Variants in SLC10A4 observed in about 807,000 individuals in gnomAD.
The protein encoded by SLC10A4 is putative sodium/bile acid cotransporter 4.
Under a neutral mutation model 22.5 loss-of-function variants are expected in SLC10A4, and 17 were observed. The observed-to-expected ratio is 0.76, with a 90% CI of 0.52 to 1.14. The LOEUF is 1.14. Ranked by LOEUF, SLC10A4 falls within the 50% of genes most tolerant of loss-of-function variation. The pLI is 0.00. For missense variants in SLC10A4, 548 were observed against 584.0 expected (o/e 0.94, Z 0.64); for synonymous variants, 257 against 258.2 (o/e 1.00, Z 0.04).
rs1397870163 is a variant in SLC10A4, at chr4:48,489,431, T to G, written c.*492T>G. 2.0e-5 allele frequency among the ~76,000 whole-genome samples: 3 copies of G among 152,252 alleles called. No homozygotes were observed. The highest frequency in any genetic ancestry group is 7.2e-5 in the African/African-American group (3 of 41,474). On this transcript the variant is annotated 3_prime_UTR_variant, in exon 3 of 3. Transcript: ENST00000273861. ...TCAGTTAAATAAGGAAATATAGTATTTGTCAAACCAGTATCAGAGAAAAGT... is the reference window on the plus strand; with the variant it reads ...TCAGTTAAATAAGGAAATATAGTATGTGTCAAACCAGTATCAGAGAAAAGT...
rs1469374049 is a variant in SLC10A4 at position 48,489,196 on chromosome 4, A to T, written c.*257A>T. 5.6e-6 allele frequency: 2 copies of T among 354,746 alleles called. No homozygotes were observed. Among genetic ancestry groups the T allele is most frequent in the Non-Finnish European group, 1.0e-5 (2 of 198,352 alleles). 22.0% of individuals were successfully genotyped at this position (354,746 alleles called of 1,614,324 possible). A position where few individuals can be genotyped will look rare whatever the true frequency, so the allele number is the denominator to read the frequency against. ...TGGTTTTTAGTTTTTACCATCACCA[A>T]TTTCTATGACTGTTGCAAATACAGA... is the stretch of plus-strand genomic sequence containing the variant. On this transcript the variant is annotated 3_prime_UTR_variant, in exon 3 of 3. Coordinates refer to ENST00000273861, the MANE Select transcript of SLC10A4 (RefSeq NM_152679.4).
Position 48,488,526 on chromosome 4 carries a change from T to C in SLC10A4, c.901T>C (p.Tyr301His), listed in dbSNP as rs774527368. The stretch of plus-strand genomic sequence containing the variant: ...GCTGGCAAGTATCCCTGCAGCTGTT[T>C]ATGTGATAGCAATTTTTATGCCTTT... ...ELLASIPAAV[Y>H]VIAIFMPLAG... The change falls in exon 3 of 3, where the codon TAT becomes CAT. Residue 301 changes from tyrosine to histidine, a missense_variant. By Grantham distance (83) the Tyr-to-His change is moderately conservative. Around this residue, in one of 3 missense-constraint regions of SLC10A4, gnomAD observed 314 missense variants for 353.2 expected, o/e 0.89. Transcript: ENST00000273861. 6.2e-6 allele frequency: 10 copies of C among 1,613,814 alleles called. No individual in the cohort carries two copies. The Admixed American group carries it at 8.3e-5, about 13-fold the overall frequency.
chr4:48,486,113 T>A (rs933699371), intron 2 of SLC10A4, among the ~76,000 whole-genome samples: 3 of 152,198 alleles, frequency 2.0e-5, no homozygotes, highest in Admixed American at 2.0e-4. Context: ...GCCACCCTAA[T>A]GTTTCAATTA....
At position 48,488,607 on chromosome 4, in the gene SLC10A4, T is replaced by C. The variant is rs1479933837; in HGVS notation, c.982T>C (p.Cys328Arg). ...LATLFHLPPN[C>R]KRTVCLETGS... ...TACTCTCTTCCATCTTCCACCCAAC[T>C]GCAAGAGGACTGTATGTCTGGAAAC... The change falls in exon 3 of 3, where the codon TGC becomes CGC. Residue 328 changes from cysteine (C) to arginine (R), a missense_variant. Physicochemically the swap from Cys to Arg is radical, Grantham distance 180. Coordinates refer to ENST00000273861, the MANE Select transcript of SLC10A4 (RefSeq NM_152679.4). 6.2e-7 allele frequency: 1 copy of C among 1,614,092 alleles called. No homozygotes were observed. Among genetic ancestry groups the C allele is most frequent in the Non-Finnish European group, 8.5e-7 (1 of 1,180,012 alleles).
chr4:48,484,253 A>G, intron 1 of SLC10A4, 102 bp downstream of exon 1: 1 of 1,198,312 alleles, frequency 8.3e-7, no homozygotes. Context: ...GGTTGGAATT[A>G]GGCGTGGAGG....
Position 48,488,855 on chromosome 4 carries a change from A to T in SLC10A4, c.1230A>T (p.Lys410Asn), listed in dbSNP as rs200226010. 1.2e-6 allele frequency: 2 copies of T among 1,613,800 alleles called. No homozygotes were observed. The highest frequency in any genetic ancestry group is 1.7e-6 in the Non-Finnish European group (2 of 1,179,946). Residue 410 changes from lysine to asparagine, a missense_variant, in exon 3 of 3, where the codon AAA (lysine) becomes AAT (asparagine). This residue lies in a region of SLC10A4 where 314 missense variants were observed against 353.2 expected (regional missense o/e 0.89). Coordinates refer to ENST00000273861, the MANE Select transcript of SLC10A4 (RefSeq NM_152679.4). ...EDTDISYKKLKEEEMADTSYG... is the reference protein window; with the variant it reads ...EDTDISYKKLNEEEMADTSYG... ...CAGATATTTCTTATAAAAAACTAAA[A>T]GAAGAGGAAATGGCAGACACTTCCT...
Position 48,483,821 on chromosome 4 carries a change from G to A in SLC10A4, c.260G>A (p.Arg87Gln). 6.5e-7 allele frequency: 1 copy of A among 1,527,228 alleles called. No individual in the cohort carries two copies. The highest frequency in any genetic ancestry group is 8.8e-7 in the Non-Finnish European group (1 of 1,141,492). The allele number at this position is 1,527,228 out of a possible 1,614,324, so 94.6% of individuals were successfully genotyped here. A position where few individuals can be genotyped will look rare whatever the true frequency, so the allele number is the denominator to read the frequency against. The change falls in exon 1 of 3, where the codon CGG (arginine) becomes CAG (glutamine). Residue 87 changes from arginine to glutamine, a missense_variant. Physicochemically the swap from Arg to Gln is conservative, Grantham distance 43. Around this residue, in one of 3 missense-constraint regions of SLC10A4, gnomAD observed 225 missense variants for 206.9 expected, o/e 1.09. Coordinates refer to ENST00000273861, the MANE Select transcript of SLC10A4 (RefSeq NM_152679.4). The surrounding 1 kb of genome is among the most constrained non-coding windows in gnomAD (Gnocchi z 5.4). ...AASHGPSPFP[R>Q]PWAPHALPFW... ...AGCCACGGCCCTTCCCCGTTCCCTCGGCCCTGGGCGCCCCACGCGCTCCCG... is the reference window on the plus strand; with the variant it reads ...AGCCACGGCCCTTCCCCGTTCCCTCAGCCCTGGGCGCCCCACGCGCTCCCG...
chr4:48,484,049 T>A lies in SLC10A4; in HGVS notation c.488T>A (p.Leu163Gln). 2 of 1,602,406 alleles carry A rather than the reference T, an allele frequency of 1.2e-6. No homozygotes were observed. Among genetic ancestry groups the A allele is most frequent in the Non-Finnish European group, 1.7e-6 (2 of 1,177,976 alleles). Residue 163 changes from leucine (L) to glutamine (Q), a missense_variant, in exon 1 of 3, where the codon CTG becomes CAG. Leu to Gln is a moderately radical substitution (Grantham distance 113). This residue lies in a region of SLC10A4 where 314 missense variants were observed against 353.2 expected (regional missense o/e 0.89). Coordinates refer to ENST00000273861, the MANE Select transcript of SLC10A4 (RefSeq NM_152679.4). Reference protein sequence around the residue: ...LAFLLALAFKLDEVAAVAVLL... With the variant: ...LAFLLALAFKQDEVAAVAVLL... ...TTCCTGCTGGCCCTCGCCTTCAAGC[T>A]GGACGAGGTGGCCGCCGTGGCGGTG...
At position 48,484,078 on chromosome 4, in the gene SLC10A4, C is replaced by A. The variant is rs758462234; in HGVS notation, c.517C>A (p.Leu173Met). The A allele has an allele frequency of 6.2e-7, 1 of 1,605,606 alleles. No homozygotes were observed. The highest frequency in any genetic ancestry group is 1.1e-5 in the South Asian group (1 of 90,822). ...LDEVAAVAVL[L>M]CGCCPGGNLS... ...CGAGGTGGCCGCCGTGGCGGTGCTC[C>A]TGTGTGGCTGCTGTCCCGGCGGCAA... is the stretch of plus-strand genomic sequence containing the variant. The change falls in exon 1 of 3, where the codon CTG (leucine) becomes ATG (methionine). Residue 173 changes from leucine (L) to methionine (M), a missense_variant. By Grantham distance (15) the Leu-to-Met change is conservative. Transcript: ENST00000273861.
At position 48,488,854 on chromosome 4, in the gene SLC10A4, AAG is replaced by A; in HGVS notation, c.1231_1232del (p.Glu411ArgfsTer49). 6.2e-7 allele frequency: 1 copy of A among 1,613,800 alleles called. No individual in the cohort carries two copies. On this transcript the variant is annotated frameshift_variant, in exon 3 of 3. Coordinates refer to ENST00000273861, the MANE Select transcript of SLC10A4 (RefSeq NM_152679.4). LOFTEE classifies it high-confidence loss of function. Reference sequence around the variant, plus strand: ...ACAGATATTTCTTATAAAAAACTAAAAGAAGAGGAAATGGCAGACACTTCCTA... The same window carrying A: ...ACAGATATTTCTTATAAAAAACTAAAAAGAGGAAATGGCAGACACTTCCTA...
Position 48,483,868 on chromosome 4 carries a change from C to T in SLC10A4, c.307C>T (p.His103Tyr). The T allele has an allele frequency of 6.5e-7, 1 of 1,543,252 alleles. No homozygotes were observed. Among genetic ancestry groups the T allele is most frequent in the Non-Finnish European group, 8.7e-7 (1 of 1,146,188 alleles). ...CCCGTTCTGGGACACGCCGCTGAAC[C>T]ACGGGCTGAACGTGTTCGTGGGCGC... ...ALPFWDTPLN[H>Y]GLNVFVGAAL... The change falls in exon 1 of 3, where the codon CAC (histidine) becomes TAC (tyrosine). Residue 103 changes from histidine to tyrosine, a missense_variant. His to Tyr is a moderately conservative substitution (Grantham distance 83). This residue lies in a region of SLC10A4 where 225 missense variants were observed against 206.9 expected (regional missense o/e 1.09). Transcript: ENST00000273861. This position sits in a 1 kb window ranked among gnomAD's most constrained non-coding sequence, Gnocchi z 5.4.
intron 1 of SLC10A4, 67 bp downstream of exon 1, chr4:48,484,218 C>A (rs561124613): frequency 2.1e-6 from 3 of 1,433,340 alleles, no homozygotes; most frequent in African/African-American, 2.9e-5. Flanking sequence ...CGTGGGCTCA[C>A]GACGAAGGAC....
At chr4:48,488,304 A>AT in intron 2 of SLC10A4, 123 bp from the exon 3 acceptor site, 1 of 861,916 alleles carries the variant, frequency 1.2e-6, no homozygotes, top group South Asian at 2.4e-5. Flanking sequence ...CTTCAGAAAT[A>AT]TTCTGTCAAA....
chr4:48,487,822 T>G (rs6812622), intron 2 of SLC10A4, among the ~76,000 whole-genome samples: 18,245 of 98,150 alleles, frequency 0.19, 2,371 homozygotes, highest in East Asian at 0.34. Flanking sequence ...TTTTTTTTGG[T>G]GAAATGGAGT....
Position 48,483,491 on chromosome 4 carries a change from A to C in SLC10A4, c.-71A>C. ...CCGACGGGCAGAACGACGGGCGGCG[A>C]CTGCGGCGACCGCGGGACGGCGAGA... On this transcript the variant is annotated 5_prime_UTR_variant, in exon 1 of 3. Coordinates refer to ENST00000273861, the MANE Select transcript of SLC10A4 (RefSeq NM_152679.4). This position sits in a 1 kb window ranked among gnomAD's most constrained non-coding sequence, Gnocchi z 5.4. 8 of 1,290,594 alleles carry C rather than the reference A, an allele frequency of 6.2e-6. No individual in the cohort carries two copies. The highest frequency in any genetic ancestry group is 8.2e-6 in the Non-Finnish European group (8 of 972,484). 79.9% of individuals were successfully genotyped at this position (1,290,594 alleles called of 1,614,324 possible).
Position 48,485,114 on chromosome 4 carries a change from A to G in SLC10A4, c.773A>G (p.Tyr258Cys), listed in dbSNP as rs1718262222. 1 of 1,613,988 alleles carries G rather than the reference A, an allele frequency of 6.2e-7. No individual in the cohort carries two copies. The highest frequency in any genetic ancestry group is 1.7e-5 in the Admixed American group (1 of 59,994). Residue 258 changes from tyrosine (Y) to cysteine (C), a missense_variant, in exon 2 of 3, where the codon TAC becomes TGC. By Grantham distance (194) the Tyr-to-Cys change is radical (BLOSUM62 -2). Around this residue, in one of 3 missense-constraint regions of SLC10A4, gnomAD observed 314 missense variants for 353.2 expected, o/e 0.89. Coordinates refer to ENST00000273861, the MANE Select transcript of SLC10A4 (RefSeq NM_152679.4). ...IGLGVFIRYK[Y>C]SRVADYIVKV... is the part of the protein sequence containing the mutation. Reference sequence around the variant, plus strand: ...TTGGGCGTCTTCATTCGCTACAAATACAGCCGGGTGGCTGACTACATTGTG... The same window carrying G: ...TTGGGCGTCTTCATTCGCTACAAATGCAGCCGGGTGGCTGACTACATTGTG...
At chr4:48,488,166 G>A (rs143955967) in intron 2 of SLC10A4, among the ~76,000 whole-genome samples, 1 of 150,640 alleles carries the variant, frequency 6.6e-6, no homozygotes, top group Non-Finnish European at 1.5e-5. Context: ...GCTCCTGAGA[G>A]CCTATATCCA....
Position 48,483,880 on chromosome 4 carries a change from G to T in SLC10A4, c.319G>T (p.Val107Leu). Reference sequence around the variant, plus strand: ...CACGCCGCTGAACCACGGGCTGAACGTGTTCGTGGGCGCCGCCCTGTGCAT... The same window carrying T: ...CACGCCGCTGAACCACGGGCTGAACTTGTTCGTGGGCGCCGCCCTGTGCAT... ...WDTPLNHGLNVFVGAALCITM... is the reference protein window; with the variant it reads ...WDTPLNHGLNLFVGAALCITM... Residue 107 changes from valine (V) to leucine (L), a missense_variant, in exon 1 of 3, where the codon GTG (valine) becomes TTG (leucine). Physicochemically the swap from Val to Leu is conservative, Grantham distance 32 (BLOSUM62 1). This residue lies in a region of SLC10A4 where 225 missense variants were observed against 206.9 expected (regional missense o/e 1.09). Coordinates refer to ENST00000273861, the MANE Select transcript of SLC10A4 (RefSeq NM_152679.4). The surrounding 1 kb of genome is among the most constrained non-coding windows in gnomAD (Gnocchi z 5.4). The T allele has an allele frequency of 6.5e-7, 1 of 1,543,962 alleles. No individual in the cohort carries two copies.
In SLC10A4 at chr4:48,485,026, G is replaced by C; in HGVS notation, c.685G>C (p.Val229Leu). The C allele has an allele frequency of 3.7e-6, 6 of 1,614,022 alleles. No homozygotes were observed. The highest frequency in any genetic ancestry group is 5.1e-6 in the Non-Finnish European group (6 of 1,180,002). The change falls in exon 2 of 3, where the codon GTG (valine) becomes CTG (leucine). Residue 229 changes from valine to leucine, a missense_variant. Around this residue, in one of 3 missense-constraint regions of SLC10A4, gnomAD observed 314 missense variants for 353.2 expected, o/e 0.89. Transcript: ENST00000273861. Reference sequence around the variant, plus strand: ...CTGGGCTTGGATCAACACCCCTATCGTGCAGTTACTACCCCTAGGGACCGT... The same window carrying C: ...CTGGGCTTGGATCAACACCCCTATCCTGCAGTTACTACCCCTAGGGACCGT... ...YSWAWINTPI[V>L]QLLPLGTVTL...
Sources: allele counts gnomAD v4.1 joint callset (sites outside exome capture counted in the v4.1 genomes callset), GRCh38; gene constraint gnomAD v4.1.1; regional missense constraint gnomAD v4.1.1; non-coding constraint Gnocchi (gnomAD v3.1); transcripts MANE v1.5; gene names NCBI Gene and HGNC (gene_info 2026-07-23, HGNC 2026-07-21).